Variants in OR6N1 observed in about 807,000 individuals in gnomAD.
OR6N1 encodes the protein olfactory receptor 6N1.
For synonymous variants in OR6N1, 170 were observed against 150.7 expected (o/e 1.13, Z -0.94); for missense variants, 394 against 371.7 (o/e 1.06, Z -0.49).
the OR6N1 span, among the ~76,000 whole-genome samples, chr1:158,817,090 G>T: frequency 1.3e-5 from 2 of 152,150 alleles, no homozygotes; most frequent in East Asian, 1.9e-4. Context: ...AGCTTATAAA[G>T]GTATGAAAAG....
the OR6N1 span, among the ~76,000 whole-genome samples, chr1:158,813,429 A>T: frequency 2.6e-5 from 4 of 152,162 alleles, no homozygotes; most frequent in African/African-American, 4.8e-5. Context: ...GGAAAACCAC[A>T]GAGATGTTTA....
chr1:158,767,826 C>T (rs1657317036), intron 1 of OR6N1, among the ~76,000 whole-genome samples: 1 of 152,108 alleles, frequency 6.6e-6, no homozygotes, highest in South Asian at 2.1e-4. Flanking sequence ...CCTTTAATGC[C>T]TCTCTTTAAG....
intron 1 of OR6N1, among the ~76,000 whole-genome samples, chr1:158,769,727 A>G (rs1302195825): frequency 1.3e-5 from 2 of 152,160 alleles, no homozygotes. Flanking sequence ...TCCCATATAC[A>G]AAAGCCTTTC....
the OR6N1 span, among the ~76,000 whole-genome samples, chr1:158,820,314 G>A: frequency 6.6e-6 from 1 of 152,176 alleles, no homozygotes; most frequent in African/African-American, 2.4e-5. Context: ...GGCCAGTTTG[G>A]GGGCCAGTTT....
At chr1:158,779,838 C>G in the OR6N1 span, among the ~76,000 whole-genome samples, 1 of 152,130 alleles carries the variant, frequency 6.6e-6, no homozygotes, top group Non-Finnish European at 1.5e-5. Context: ...TATTCATTTT[C>G]TATGCCCTCA....
chr1:158,813,080 CTT>C, the OR6N1 span, among the ~76,000 whole-genome samples: 1 of 152,172 alleles, frequency 6.6e-6, no homozygotes, highest in African/African-American at 2.4e-5. Flanking sequence ...ACTTTTCTGA[CTT>C]TTCAGATTGA....
chr1:158,831,787 T>C, the OR6N1 span, among the ~76,000 whole-genome samples: 1 of 152,174 alleles, frequency 6.6e-6, no homozygotes, highest in Admixed American at 6.5e-5. Flanking sequence ...GTTTTAAAAA[T>C]TAATTCTTGG....
At chr1:158,827,742 C>A in the OR6N1 span, among the ~76,000 whole-genome samples, 1 of 152,042 alleles carries the variant, frequency 6.6e-6, no homozygotes, top group Admixed American at 6.5e-5. Flanking sequence ...GCAGTTTGTG[C>A]GTTGTCTGGT....
chr1:158,805,842 C>T, the OR6N1 span, among the ~76,000 whole-genome samples: 1 of 152,026 alleles, frequency 6.6e-6, no homozygotes, highest in African/African-American at 2.4e-5. Context: ...GAGTGGATAC[C>T]ATGCATTGTA....
the OR6N1 span, among the ~76,000 whole-genome samples, chr1:158,815,725 T>C: frequency 6.6e-6 from 1 of 152,238 alleles, no homozygotes; most frequent in East Asian, 1.9e-4. Flanking sequence ...TTTTACATGC[T>C]TTACATGTTT....
the OR6N1 span, among the ~76,000 whole-genome samples, chr1:158,835,612 T>G: frequency 2.5e-5 from 1 of 40,566 alleles, no homozygotes; most frequent in African/African-American, 1.1e-4. Context: ...TGCCTATTTT[T>G]GGTGGGGGCG....
chr1:158,829,728 A>T, the OR6N1 span, among the ~76,000 whole-genome samples: 18 of 152,098 alleles, frequency 1.2e-4, no homozygotes. Context: ...GTACCAATTT[A>T]CTTTATTAGT....
At chr1:158,790,386 T>C in the OR6N1 span, among the ~76,000 whole-genome samples, 9 of 151,088 alleles carry the variant, frequency 6.0e-5, no homozygotes, top group African/African-American at 1.7e-4. Context: ...TATCAATTGG[T>C]ATTTTGATAG....
At chr1:158,799,308 A>T in the OR6N1 span, among the ~76,000 whole-genome samples, 1 of 152,198 alleles carries the variant, frequency 6.6e-6, no homozygotes, top group Non-Finnish European at 1.5e-5. Context: ...TTTAGACCTT[A>T]ATAAACATAG....
At chr1:158,839,064 C>T in the OR6N1 span, among the ~76,000 whole-genome samples, 13 of 152,084 alleles carry the variant, frequency 8.5e-5, no homozygotes, top group Admixed American at 8.5e-4. Context: ...ACAAGAAAGT[C>T]TGAGGGCTGT....
chr1:158,814,130 G>A, the OR6N1 span, among the ~76,000 whole-genome samples: 29 of 152,186 alleles, frequency 1.9e-4, no homozygotes, highest in African/African-American at 6.5e-4. Context: ...ACAGTGCCCT[G>A]TTTCATTCTT....
At chr1:158,835,962 A>G in the OR6N1 span, among the ~76,000 whole-genome samples, 2 of 151,812 alleles carry the variant, frequency 1.3e-5, no homozygotes, top group African/African-American at 4.8e-5. Flanking sequence ...AAAAATGAGC[A>G]TCTGTGTATT....
At chr1:158,797,420 C>T in the OR6N1 span, among the ~76,000 whole-genome samples, 2 of 152,212 alleles carry the variant, frequency 1.3e-5, no homozygotes, top group African/African-American at 2.4e-5. Context: ...CTCTGCACAG[C>T]GTTTTTACTT....
the OR6N1 span, among the ~76,000 whole-genome samples, chr1:158,791,853 G>A: frequency 6.6e-6 from 1 of 152,224 alleles, no homozygotes; most frequent in Non-Finnish European, 1.5e-5. Context: ...TGTCAATGAG[G>A]AGAATGCACA....
Sources: gnomAD v4.1 joint callset for allele counts (sites outside exome capture counted in the v4.1 genomes callset) on GRCh38, gnomAD v4.1.1 for gene constraint, MANE v1.5 for transcripts, NCBI Gene and HGNC (gene_info 2026-07-23, HGNC 2026-07-21) for gene names.